The following SDK2 variants were observed in gnomAD, a reference collection of about 807,000 sequenced individuals.
The protein encoded by SDK2 is protein sidekick-2.
SDK2 carries 105 observed loss-of-function variants against 253.9 expected under a neutral mutation model. That is an observed-to-expected ratio of 0.41 (90% CI 0.35 to 0.49). The LOEUF (loss-of-function observed/expected upper bound fraction) is 0.49. Among genes scored for constraint, SDK2 ranks in the 20% least tolerant of loss-of-function variants. The pLI is 0.06. For synonymous variants in SDK2, 1,249 were observed against 1,234.9 expected, an observed-to-expected ratio of 1.01 and a Z score of -0.24; for missense variants, 2,608 against 3,003.0, an observed-to-expected ratio of 0.87 and a Z score of 3.07.
chr17:73,404,860 G>A (rs1270224403), intron 18 of SDK2, among the ~76,000 whole-genome samples: 1 of 152,100 alleles, frequency 6.6e-6, no homozygotes, highest in Non-Finnish European at 1.5e-5. Flanking sequence ...GAGGCCCAGG[G>A]AGGCAAGCCT....
chr17:73,560,798 GT>G (rs1210276995), intron 1 of SDK2, among the ~76,000 whole-genome samples: 6 of 152,206 alleles, frequency 3.9e-5, no homozygotes, highest in African/African-American at 1.4e-4. Flanking sequence ...TACTGTGAGG[GT>G]TGGTCAGATC....
At position 73,590,476 on chromosome 17, in the gene SDK2, G is replaced by T. The variant is rs191739798; in HGVS notation, c.64+53549C>A. 5.9e-5 allele frequency among the ~76,000 whole-genome samples: 9 copies of T among 152,348 alleles called. No homozygotes were observed. In the East Asian group the frequency reaches 1.7e-3, roughly 29 times the overall value. On this transcript the variant is annotated intron_variant, in intron 1 of 44. Coordinates refer to ENST00000392650, the MANE Select transcript of SDK2 (RefSeq NM_001144952.2). Reference sequence around the variant, plus strand: ...CTGTGCAACACCATTGCTCTGCCCCGTCTGGCTCTGGGCTGCTCCTTCAGA... The same window carrying T: ...CTGTGCAACACCATTGCTCTGCCCCTTCTGGCTCTGGGCTGCTCCTTCAGA...
chr17:73,528,161 T>A (rs1230858989), intron 1 of SDK2, among the ~76,000 whole-genome samples: 1 of 151,658 alleles, frequency 6.6e-6, no homozygotes, highest in Non-Finnish European at 1.5e-5. Context: ...AGAGGAGGGG[T>A]GTGGAGCCAT....
chr17:73,581,177 CA>C (rs1040530485), intron 1 of SDK2, among the ~76,000 whole-genome samples: 7 of 152,122 alleles, frequency 4.6e-5, no homozygotes, highest in Admixed American at 1.3e-4. Flanking sequence ...CCACTGCGCT[CA>C]GCACTTTTTG....
intron 37 of SDK2, among the ~76,000 whole-genome samples, chr17:73,366,271 G>A (rs762626749): frequency 4.6e-5 from 7 of 152,274 alleles, no homozygotes; most frequent in South Asian, 2.1e-4. Flanking sequence ...TCCTGCTGCC[G>A]CAGTGACGGA....
At chr17:73,513,564 TG>T (rs1422254891) in intron 1 of SDK2, 1 of 152,168 alleles carries the variant, frequency 6.6e-6, no homozygotes, top group Non-Finnish European at 1.5e-5. Context: ...AAGCTAAAAA[TG>T]CACACATCCT....
intron 42 of SDK2, 42 bp from the exon 43 acceptor site, chr17:73,350,417 C>T (rs1289124833): frequency 6.3e-7 from 1 of 1,588,108 alleles, no homozygotes; most frequent in East Asian, 2.2e-5. Flanking sequence ...ACTGTGTGGC[C>T]TCCCCTCTCC....
At chr17:73,595,702 T>A (rs2045747743) in intron 1 of SDK2, among the ~76,000 whole-genome samples, 1 of 151,992 alleles carries the variant, frequency 6.6e-6, no homozygotes, top group Non-Finnish European at 1.5e-5. Flanking sequence ...GCTGACCCAC[T>A]GGGAACCAGC....
At chr17:73,596,729 C>G (rs1373557535) in intron 1 of SDK2, among the ~76,000 whole-genome samples, 1 of 152,144 alleles carries the variant, frequency 6.6e-6, no homozygotes, top group Admixed American at 6.5e-5. Flanking sequence ...CCTCCCCGAC[C>G]CTCCCAGCTC....
Position 73,394,247 on chromosome 17 carries a change from G to A in SDK2, c.3670C>T (p.Pro1224Ser). Residue 1224 changes from proline to serine, a missense_variant, in exon 26 of 45, where the codon CCC (proline) becomes TCC (serine). By Grantham distance (74) the Pro-to-Ser change is moderately conservative (BLOSUM62 -1). Transcript: ENST00000392650. ...SSMLVRWSEV[P>S]EADRNGLVLG... Reference sequence around the variant, plus strand: ...ACGAGCCCGTTGCGATCAGCCTCGGGGACCTCGCTCCAGCGCACCAGCATG... The same window carrying A: ...ACGAGCCCGTTGCGATCAGCCTCGGAGACCTCGCTCCAGCGCACCAGCATG... The A allele has an allele frequency of 6.2e-7, 1 of 1,601,288 alleles. No homozygotes were observed. The highest frequency in any genetic ancestry group is 8.5e-7 in the Non-Finnish European group (1 of 1,171,590).
At chr17:73,368,792 T>A (rs1412333342) in intron 36 of SDK2, among the ~76,000 whole-genome samples, 199 bp from the exon 37 acceptor site, 1 of 152,104 alleles carries the variant, frequency 6.6e-6, no homozygotes, top group Non-Finnish European at 1.5e-5. Flanking sequence ...GGTGGATCAC[T>A]TGAGGCCAGG....
intron 4 of SDK2, among the ~76,000 whole-genome samples, chr17:73,449,451 C>A (rs897999328): frequency 6.6e-6 from 1 of 152,074 alleles, no homozygotes; most frequent in Non-Finnish European, 1.5e-5. Context: ...CCAGCACTCT[C>A]CCAGCCCGGC....
At chr17:73,348,553 C>A (rs752075822) in intron 44 of SDK2, 46 bp downstream of exon 44, 1 of 1,598,252 alleles carries the variant, frequency 6.3e-7, no homozygotes, top group Non-Finnish European at 8.5e-7. Context: ...CTCTGGGAGG[C>A]GCTGCTCCCT....
At chr17:73,425,130 G>A (rs2063270004) in intron 12 of SDK2, among the ~76,000 whole-genome samples, 2 of 152,152 alleles carry the variant, frequency 1.3e-5, no homozygotes, top group South Asian at 2.1e-4. Flanking sequence ...TGAGGCAGGA[G>A]AATCACTTGA....
chr17:73,376,021 C>T (rs926782714), intron 36 of SDK2, among the ~76,000 whole-genome samples: 3 of 151,288 alleles, frequency 2.0e-5, no homozygotes, highest in Non-Finnish European at 2.9e-5. Context: ...TGGTGAAACC[C>T]CGTCTCTACT....
At chr17:73,613,436 C>T (rs190780603) in intron 1 of SDK2, among the ~76,000 whole-genome samples, 1 of 151,510 alleles carries the variant, frequency 6.6e-6, no homozygotes, top group East Asian at 1.9e-4. Flanking sequence ...AGCCGTGAAG[C>T]CAGCAGGACA....
At chr17:73,499,026 G>C (rs905194881) in intron 2 of SDK2, among the ~76,000 whole-genome samples, 1 of 152,190 alleles carries the variant, frequency 6.6e-6, no homozygotes, top group Non-Finnish European at 1.5e-5. Flanking sequence ...ACTGCTGCCC[G>C]TAAGAGCTTG....
chr17:73,493,629 T>G (rs749592991), intron 2 of SDK2, among the ~76,000 whole-genome samples: 2 of 152,244 alleles, frequency 1.3e-5, no homozygotes, highest in Non-Finnish European at 2.9e-5. Flanking sequence ...AGTTTCTGTA[T>G]CTATAAAATG....
At chr17:73,439,965 G>A (rs2063401321) in intron 6 of SDK2, among the ~76,000 whole-genome samples, 2 of 152,134 alleles carry the variant, frequency 1.3e-5, no homozygotes, top group Non-Finnish European at 2.9e-5. Flanking sequence ...AGGATGCAGG[G>A]CACGGAAGGC....
Sources: gnomAD v4.1 joint callset for allele counts (sites outside exome capture counted in the v4.1 genomes callset) on GRCh38, gnomAD v4.1.1 for gene constraint, MANE v1.5 for transcripts, NCBI Gene and HGNC (gene_info 2026-07-23, HGNC 2026-07-21) for gene names.